The following SGK1 variants were observed in gnomAD, a reference collection of about 807,000 sequenced individuals.
The protein encoded by SGK1 is serine/threonine-protein kinase Sgk1.
Under a neutral mutation model 64.2 loss-of-function variants are expected in SGK1, and 26 were observed. That is an observed-to-expected ratio of 0.40 (90% CI 0.30 to 0.56). The LOEUF is 0.56. SGK1 is among the 20% of genes least tolerant of loss of function. The probability of loss-of-function intolerance (pLI) is 0.38; values close to 1 mark genes in which losing one functional copy is unlikely to be tolerated. For missense variants in SGK1, 519 were observed against 645.6 expected (o/e 0.80, Z 2.12); for synonymous variants, 265 against 239.7 (o/e 1.11, Z -0.98).
rs199855035 is a variant in SGK1 at position 134,307,183 on chromosome 6, T to TA, written c.69+10208dup. Among the ~76,000 whole-genome samples the TA allele has an allele frequency of 8.0e-4, 122 of 152,314 alleles. 1 individual carries two copies. In the East Asian group the frequency reaches 0.021, roughly 26 times the overall value. Reference sequence around the variant, plus strand: ...TGTTTGCTTTGCACCAGATGAATAATAATTAGCAATGGCTTCACCAACTTA... The same window carrying TA: ...TGTTTGCTTTGCACCAGATGAATAATAAATTAGCAATGGCTTCACCAACTTA... On this transcript the variant is annotated intron_variant, in intron 1 of 13. Transcript: ENST00000367858.
At chr6:134,181,589 C>T (rs1424152757) in intron 3 of SGK1, among the ~76,000 whole-genome samples, 1 of 152,080 alleles carries the variant, frequency 6.6e-6, no homozygotes, top group African/African-American at 2.4e-5. Flanking sequence ...AAGTGATCCA[C>T]CTGCCTCAGC....
chr6:134,183,686 T>C (rs966490710), intron 3 of SGK1, among the ~76,000 whole-genome samples: 3 of 152,156 alleles, frequency 2.0e-5, no homozygotes, highest in African/African-American at 7.2e-5. Flanking sequence ...GTGAGGAATG[T>C]GCTGGAAAGT....
intron 1 of SGK1, among the ~76,000 whole-genome samples, chr6:134,300,649 T>TTTTTTTTTTTTTTTTCTCTTTTTTCCA (rs1777438810): frequency 6.9e-6 from 1 of 145,074 alleles, no homozygotes. Flanking sequence ...TTTTTTTTTT[T>TTTTTTTTTTTTTTTTCTCTTTTTTCCA]GGAGATGGAG....
chr6:134,176,251 C>T (rs1215119348), intron 3 of SGK1, among the ~76,000 whole-genome samples: 1 of 152,214 alleles, frequency 6.6e-6, no homozygotes, highest in Admixed American at 6.5e-5. Context: ...CGTCCCTACC[C>T]TCCCTGGGTT....
chr6:134,300,423 A>C (rs1483949243), intron 1 of SGK1, among the ~76,000 whole-genome samples: 3 of 150,954 alleles, frequency 2.0e-5, no homozygotes, highest in Non-Finnish European at 4.4e-5. Context: ...CTGTAGTCCT[A>C]GCTACTCGGG....
chr6:134,180,041 C>A (rs1358352330), intron 3 of SGK1, among the ~76,000 whole-genome samples: 2 of 152,124 alleles, frequency 1.3e-5, no homozygotes, highest in Non-Finnish European at 2.9e-5. Flanking sequence ...GCAGCCTCAA[C>A]CTCCTGGGTT....
Position 134,171,188 on chromosome 6 carries a change from G to T in SGK1, c.1168-10C>A. ...GGCTATAAAAAGGCGGCTGAAAGAA[G>T]GGGAAAATTACTTTAGACTTAATTG... On this transcript the variant is annotated splice_polypyrimidine_tract_variant and intron_variant, in intron 11 of 13. Coordinates refer to ENST00000367858, the MANE Select transcript of SGK1 (RefSeq NM_001143676.3). The T allele has an allele frequency of 6.2e-7, 1 of 1,613,682 alleles. No homozygotes were observed. Among genetic ancestry groups the T allele is most frequent in the South Asian group, 1.1e-5 (1 of 91,008 alleles).
At position 134,190,112 on chromosome 6, in the gene SGK1, A is replaced by G. The variant is rs1036768325; in HGVS notation, c.362-15526T>C. On this transcript the variant is annotated intron_variant, in intron 3 of 13. Transcript: ENST00000367858. ...TGATCGGCCCGCCTTGGCCTCCCAA[A>G]GTGCTGGAATTACAGGCGTGAGCCA... Among the ~76,000 whole-genome samples, 3 of 152,168 alleles carry G rather than the reference A, an allele frequency of 2.0e-5. No individual in the cohort carries two copies. In the South Asian group the frequency reaches 6.2e-4, roughly 31 times the overall value.
chr6:134,177,521 T>C, intron 3 of SGK1: 3 of 711,244 alleles, frequency 4.2e-6, no homozygotes, highest in Non-Finnish European at 7.0e-6. Flanking sequence ...ACACAGACTT[T>C]TGCATGTTTG....
Position 134,283,336 on chromosome 6 carries a change from C to CA in SGK1, c.70-21189dup, listed in dbSNP as rs576588479. 5.8e-3 allele frequency: 870 copies of CA among 150,878 alleles called. 7 individuals carry two copies. The highest frequency in any genetic ancestry group is 0.02 in the African/African-American group (826 of 40,342). The allele number at this position is 150,878 out of a possible 1,614,324, so 9.3% of individuals were successfully genotyped here. On this transcript the variant is annotated intron_variant, in intron 1 of 13. Transcript: ENST00000367858. ...TGAAACCCCGTCTCTACTAAAAATA[C>CA]AAAAATTAGCTGGGCGTGGTGGCAC... is the stretch of plus-strand genomic sequence containing the variant.
At chr6:134,310,939 AT>A (rs1300010267) in intron 1 of SGK1, among the ~76,000 whole-genome samples, 1 of 152,190 alleles carries the variant, frequency 6.6e-6, no homozygotes, top group Non-Finnish European at 1.5e-5. Flanking sequence ...ATAAAAGGAG[AT>A]TAGTGAATCA....
chr6:134,171,606 A>C, intron 11 of SGK1, 31 bp downstream of exon 11: 2 of 1,464,542 alleles, frequency 1.4e-6, no homozygotes, highest in South Asian at 2.3e-5. Flanking sequence ...GGGAGCAGGC[A>C]GTGTTCCATG....
chr6:134,253,467 G>A (rs1776635681), intron 2 of SGK1, among the ~76,000 whole-genome samples: 1 of 151,876 alleles, frequency 6.6e-6, no homozygotes, highest in African/African-American at 2.4e-5. Flanking sequence ...CTGAGCAACA[G>A]CGAGACCTTG....
chr6:134,250,268 A>G (rs1056745281), intron 2 of SGK1, among the ~76,000 whole-genome samples: 10 of 152,212 alleles, frequency 6.6e-5, no homozygotes, highest in African/African-American at 9.6e-5. Context: ...AGAGGATTTT[A>G]ATATGCTCTT....
intron 3 of SGK1, among the ~76,000 whole-genome samples, chr6:134,194,580 A>G (rs907545475): frequency 6.8e-6 from 1 of 147,596 alleles, no homozygotes; most frequent in African/African-American, 2.5e-5. Flanking sequence ...GTGCAGTGGC[A>G]CGATCTCGGC....
At chr6:134,205,501 CCT>C (rs1006592278) in intron 3 of SGK1, among the ~76,000 whole-genome samples, 15 of 151,766 alleles carry the variant, frequency 9.9e-5, no homozygotes, top group African/African-American at 3.6e-4. Context: ...ATAGGCACAG[CCT>C]CTGACTCCCT....
At chr6:134,276,951 G>A (rs1464171779) in intron 1 of SGK1, among the ~76,000 whole-genome samples, 1 of 152,192 alleles carries the variant, frequency 6.6e-6, no homozygotes, top group Non-Finnish European at 1.5e-5. Flanking sequence ...TCAGGATGCT[G>A]AGGTGGGAGG....
At chr6:134,296,841 T>C (rs1315735812) in intron 1 of SGK1, among the ~76,000 whole-genome samples, 1 of 93,562 alleles carries the variant, frequency 1.1e-5, no homozygotes, top group African/African-American at 4.3e-5. Flanking sequence ...CAAGGGGGGG[T>C]CCCCAAGCAG....
chr6:134,175,188 T>C (rs1317900370), intron 3 of SGK1, among the ~76,000 whole-genome samples: 1 of 152,010 alleles, frequency 6.6e-6, no homozygotes. Flanking sequence ...TTTCCACCTC[T>C]CTCATTTATT....
Sources: allele counts gnomAD v4.1 joint callset (sites outside exome capture counted in the v4.1 genomes callset), GRCh38; gene constraint gnomAD v4.1.1; transcripts MANE v1.5; gene names NCBI Gene and HGNC (gene_info 2026-07-23, HGNC 2026-07-21).